Variants in FAM222A observed in about 807,000 individuals in gnomAD.
FAM222A encodes the protein family with sequence similarity 222 member A, also known as protein FAM222A.
In FAM222A, 7 loss-of-function variants were observed where a neutral mutation model predicts 25.8. The observed-to-expected ratio is 0.27, with a 90% confidence interval of 0.15 to 0.51. The LOEUF (loss-of-function observed/expected upper bound fraction) is 0.51, where lower values mean the gene tolerates loss of function less well. FAM222A is among the 20% of genes least tolerant of loss of function. The pLI, the probability that FAM222A is intolerant of heterozygous loss-of-function variation, is 0.97. For missense variants in FAM222A, 573 were observed against 640.5 expected, an observed-to-expected ratio of 0.89 and a Z score of 1.14; for synonymous variants, 294 against 298.8, an observed-to-expected ratio of 0.98 and a Z score of 0.17.
In FAM222A at chr12:109,754,738, G is replaced by A. The variant is rs113457716; in HGVS notation, c.82+10510G>A. ...ACTGGTGGGCAGTGGCATGGTCATGGCTCGCTACAGCCTCGACCTCCTGGG... is the reference window on the plus strand; with the variant it reads ...ACTGGTGGGCAGTGGCATGGTCATGACTCGCTACAGCCTCGACCTCCTGGG... On this transcript the variant is annotated intron_variant, in intron 2 of 2. Coordinates refer to ENST00000538780, the MANE Select transcript of FAM222A (RefSeq NM_032829.3). Among the ~76,000 whole-genome samples, 1,111 of 151,976 alleles carry A rather than the reference G, an allele frequency of 7.3e-3. 21 individuals carry two copies. Among genetic ancestry groups the A allele is most frequent in the African/African-American group, 0.023 (945 of 41,426 alleles).
chr12:109,767,049 T>C (rs1181036618), intron 2 of FAM222A, among the ~76,000 whole-genome samples: 1 of 145,394 alleles, frequency 6.9e-6, no homozygotes, highest in East Asian at 2.1e-4. Flanking sequence ...GCATGCACCA[T>C]AATGCTTGGC....
rs372900809 is a variant in FAM222A, at chr12:109,744,104, C to T, written c.-43C>T. 3.1e-6 allele frequency: 5 copies of T among 1,601,612 alleles called. No individual in the cohort carries two copies. The African/African-American group carries it at 5.4e-5, about 17-fold the overall frequency. On this transcript the variant is annotated 5_prime_UTR_variant, in exon 2 of 3. Coordinates refer to ENST00000538780, the MANE Select transcript of FAM222A (RefSeq NM_032829.3). ...GCACCCCATCTTCCTCCTGCAGGGA[C>T]CCAGTCGCAGAGCGCACCCCACTGG...
At chr12:109,767,062 C>CTTTTTTTTTT (rs757766627) in intron 2 of FAM222A, among the ~76,000 whole-genome samples, 3 of 93,070 alleles carry the variant, frequency 3.2e-5, no homozygotes, top group African/African-American at 4.3e-5. Context: ...TGCTTGGCTT[C>CTTTTTTTTTT]TTTTTTTTTT....
chr12:109,722,986 G>A (rs1022960067), intron 1 of FAM222A, among the ~76,000 whole-genome samples: 1 of 139,736 alleles, frequency 7.2e-6, no homozygotes. Context: ...TTCTTTCCCA[G>A]CTTGGAGGGA....
chr12:109,744,117 C>A lies in FAM222A; in HGVS notation c.-30C>A. On this transcript the variant is annotated 5_prime_UTR_variant, in exon 2 of 3. Transcript: ENST00000538780. ...CTCCTGCAGGGACCCAGTCGCAGAGCGCACCCCACTGGGGACCCCCAGCTC... is the reference window on the plus strand; with the variant it reads ...CTCCTGCAGGGACCCAGTCGCAGAGAGCACCCCACTGGGGACCCCCAGCTC... 6.2e-7 allele frequency: 1 copy of A among 1,608,176 alleles called. No homozygotes were observed. Among genetic ancestry groups the A allele is most frequent in the Non-Finnish European group, 8.5e-7 (1 of 1,178,130 alleles).
At chr12:109,721,302 T>C (rs74687206) in intron 1 of FAM222A, among the ~76,000 whole-genome samples, 1,952 of 152,272 alleles carry the variant, frequency 0.013, 41 homozygotes, top group African/African-American at 0.044. Flanking sequence ...GGGACGCTGT[T>C]CTGGGCCAGC....
intron 2 of FAM222A, among the ~76,000 whole-genome samples, chr12:109,754,345 C>T (rs1474438694): frequency 6.6e-6 from 1 of 151,928 alleles, no homozygotes; most frequent in Non-Finnish European, 1.5e-5. Flanking sequence ...ATCAGCCTGG[C>T]CAACATATTG....
chr12:109,744,421 C>A, intron 2 of FAM222A, 193 bp downstream of exon 2: 13 of 985,472 alleles, frequency 1.3e-5, no homozygotes, highest in Non-Finnish European at 1.6e-5. Flanking sequence ...TTGGCCAGCT[C>A]CTGTGGAGCA....
chr12:109,763,936 G>A (rs1254943588), intron 2 of FAM222A, among the ~76,000 whole-genome samples: 1 of 152,142 alleles, frequency 6.6e-6, no homozygotes, highest in African/African-American at 2.4e-5. Flanking sequence ...AAAAGCCATG[G>A]AGGCTGGGTG....
chr12:109,737,484 A>T (rs1888118142), intron 1 of FAM222A, among the ~76,000 whole-genome samples: 1 of 151,928 alleles, frequency 6.6e-6, no homozygotes. Flanking sequence ...AGCATTTTAG[A>T]GAGCCCCTGG....
chr12:109,768,407 C>A lies in FAM222A; in HGVS notation c.478C>A (p.Pro160Thr), dbSNP rs779238610. 11 of 1,598,676 alleles carry A rather than the reference C, an allele frequency of 6.9e-6. 1 individual carries two copies. The South Asian group carries it at 1.2e-4, about 18-fold the overall frequency. ...VPSTLGPLAY[P>T]KPPEAPAPPP... is the part of the protein sequence containing the mutation. ...CAGCACTCTGGGTCCCTTGGCCTAC[C>A]CCAAGCCACCTGAGGCGCCTGCTCC... Residue 160 changes from proline (P) to threonine (T), a missense_variant, in exon 3 of 3, where the codon CCC becomes ACC. Coordinates refer to ENST00000538780, the MANE Select transcript of FAM222A (RefSeq NM_032829.3).
In FAM222A at chr12:109,744,546, C is replaced by T; in HGVS notation, c.82+318C>T. ...CACCATTATCTAGCCATGTGTGTCT[C>T]CCTTACCACCATTAAAGTAGGATGA... is the stretch of plus-strand genomic sequence containing the variant. On this transcript the variant is annotated intron_variant, in intron 2 of 2. Coordinates refer to ENST00000538780, the MANE Select transcript of FAM222A (RefSeq NM_032829.3). 3 of 985,406 alleles carry T rather than the reference C, an allele frequency of 3.0e-6. No homozygotes were observed. The African/African-American group carries it at 5.2e-5, about 17-fold the overall frequency. 61.0% of individuals were successfully genotyped at this position (985,406 alleles called of 1,614,324 possible).
Position 109,744,120 on chromosome 12 carries a change from AC to A in FAM222A, c.-23del. Reference sequence around the variant, plus strand: ...CTGCAGGGACCCAGTCGCAGAGCGCACCCCACTGGGGACCCCCAGCTCAGCC... The same window carrying A: ...CTGCAGGGACCCAGTCGCAGAGCGCACCCACTGGGGACCCCCAGCTCAGCC... On this transcript the variant is annotated 5_prime_UTR_variant, in exon 2 of 3. Transcript: ENST00000538780. 6.2e-7 allele frequency: 1 copy of A among 1,609,222 alleles called. No homozygotes were observed. The highest frequency in any genetic ancestry group is 2.2e-5 in the East Asian group (1 of 44,842).
At chr12:109,728,321 A>G (rs538534087) in intron 1 of FAM222A, among the ~76,000 whole-genome samples, 8 of 151,810 alleles carry the variant, frequency 5.3e-5, no homozygotes, top group Admixed American at 1.3e-4. Context: ...GTGACTCGTC[A>G]GGGGTCCCAG....
chr12:109,739,201 C>G (rs1215163409), intron 1 of FAM222A, among the ~76,000 whole-genome samples: 2 of 152,238 alleles, frequency 1.3e-5, no homozygotes, highest in Non-Finnish European at 2.9e-5. Flanking sequence ...GTGTCCTCCT[C>G]CTATTCTGCC....
At chr12:109,720,591 T>C (rs1887729336) in intron 1 of FAM222A, among the ~76,000 whole-genome samples, 1 of 152,266 alleles carries the variant, frequency 6.6e-6, no homozygotes, top group African/African-American at 2.4e-5. Flanking sequence ...CTGTGAGGTT[T>C]GGCAGTAACC....
intron 2 of FAM222A, among the ~76,000 whole-genome samples, chr12:109,754,994 T>A (rs912263326): frequency 6.6e-6 from 1 of 152,028 alleles, no homozygotes; most frequent in African/African-American, 2.4e-5. Flanking sequence ...ATTCAGCAAT[T>A]TGTCTTTTTA....
chr12:109,741,563 C>A (rs937312908), intron 1 of FAM222A, among the ~76,000 whole-genome samples: 2 of 152,204 alleles, frequency 1.3e-5, no homozygotes, highest in African/African-American at 4.8e-5. Flanking sequence ...CCCAGCCCAC[C>A]CTTTTTCAAC....
intron 2 of FAM222A, among the ~76,000 whole-genome samples, chr12:109,764,455 C>T (rs745596525): frequency 8.6e-5 from 13 of 152,034 alleles, no homozygotes; most frequent in Non-Finnish European, 1.9e-4. Flanking sequence ...TAATTTATTC[C>T]GTCCATTAGA....
Sources: allele counts gnomAD v4.1 joint callset (sites outside exome capture counted in the v4.1 genomes callset), GRCh38; gene constraint gnomAD v4.1.1; transcripts MANE v1.5; gene names NCBI Gene and HGNC (gene_info 2026-07-23, HGNC 2026-07-21).